SULF1: variants seen among roughly 807,000 people sequenced by gnomAD.
The protein encoded by SULF1 is sulfatase 1.
Under a neutral mutation model 110.5 loss-of-function variants are expected in SULF1, and 46 were observed. The ratio of observed to expected loss-of-function variants is 0.42; its 90% CI spans 0.33 to 0.53. The LOEUF (loss-of-function observed/expected upper bound fraction) is 0.53, where lower values mean the gene tolerates loss of function less well. Among genes scored for constraint, SULF1 ranks in the 20% least tolerant of loss-of-function variants. SULF1 has a pLI of 0.12. For missense variants in SULF1, 941 were observed against 1,094.2 expected (o/e 0.86, Z 1.98); for synonymous variants, 371 against 387.1 (o/e 0.96, Z 0.49).
intron 1 of SULF1, among the ~76,000 whole-genome samples, chr8:69,472,062 G>A (rs942532191): frequency 1.3e-5 from 2 of 152,092 alleles, no homozygotes; most frequent in Non-Finnish European, 2.9e-5. Context: ...GAGCAACTGA[G>A]CTAATGGCTC....
intron 7 of SULF1, among the ~76,000 whole-genome samples, chr8:69,587,054 A>G (rs908801163): frequency 3.3e-5 from 5 of 152,194 alleles, no homozygotes; most frequent in African/African-American, 1.2e-4. Flanking sequence ...AATGCTATCA[A>G]TTCTAGGATT....
chr8:69,633,571 AGGTGATCCACCCGCC>A (rs1810751814), intron 19 of SULF1, among the ~76,000 whole-genome samples: 1 of 151,900 alleles, frequency 6.6e-6, no homozygotes, highest in Admixed American at 6.6e-5. Flanking sequence ...ACCTGACCTC[AGGTGATCCACCCGCC>A]TCGGCCTCCC....
chr8:69,470,500 C>T (rs1809037261), intron 1 of SULF1, among the ~76,000 whole-genome samples: 2 of 152,080 alleles, frequency 1.3e-5, no homozygotes, highest in African/African-American at 2.4e-5. Flanking sequence ...TTCCTCTCCC[C>T]TATAGCCAGT....
intron 3 of SULF1, among the ~76,000 whole-genome samples, chr8:69,509,775 T>TG (rs1278285402): frequency 6.6e-6 from 1 of 152,196 alleles, no homozygotes; most frequent in East Asian, 1.9e-4. Flanking sequence ...CCCCAAGCAC[T>TG]GACTTATGGA....
intron 3 of SULF1, among the ~76,000 whole-genome samples, chr8:69,510,017 A>C (rs890319595): frequency 3.9e-5 from 6 of 152,254 alleles, no homozygotes; most frequent in African/African-American, 7.2e-5. Context: ...TGTGACAGAC[A>C]ATAATTCTGA....
At chr8:69,616,221 TATATATA>T (rs1809124604) in intron 13 of SULF1, among the ~76,000 whole-genome samples, 1 of 146,176 alleles carries the variant, frequency 6.8e-6, no homozygotes, top group African/African-American at 2.6e-5. Context: ...TATATATATA[TATATATA>T]TATTTTTTTG....
intron 3 of SULF1, among the ~76,000 whole-genome samples, chr8:69,559,138 C>T (rs1389864917): frequency 1.3e-5 from 2 of 152,160 alleles, no homozygotes; most frequent in Non-Finnish European, 2.9e-5. Flanking sequence ...AAAGTAGAAG[C>T]ATTTTAATAG....
chr8:69,552,815 T>TA (rs1164025179), intron 3 of SULF1, among the ~76,000 whole-genome samples: 2 of 152,250 alleles, frequency 1.3e-5, no homozygotes, highest in African/African-American at 2.4e-5. Context: ...GTTTGTTATG[T>TA]AAAAAAATGT....
At chr8:69,534,598 C>T (rs924191780) in intron 3 of SULF1, among the ~76,000 whole-genome samples, 28 of 152,142 alleles carry the variant, frequency 1.8e-4, no homozygotes, top group Admixed American at 5.2e-4. Context: ...TACCAATTCA[C>T]ACTTAACATT....
At chr8:69,607,602 G>A (rs978008470) in intron 13 of SULF1, among the ~76,000 whole-genome samples, 8 of 152,162 alleles carry the variant, frequency 5.3e-5, no homozygotes, top group African/African-American at 1.9e-4. Context: ...GGACTCAAGT[G>A]ATCCACCCAC....
chr8:69,581,220 G>A (rs938265813), intron 6 of SULF1, among the ~76,000 whole-genome samples: 3 of 152,104 alleles, frequency 2.0e-5, no homozygotes, highest in Admixed American at 6.5e-5. Flanking sequence ...AGTTACTAGC[G>A]TGAAATCCAT....
intron 21 of SULF1, 107 bp downstream of exon 21, chr8:69,638,965 T>A: frequency 8.8e-7 from 1 of 1,132,658 alleles, no homozygotes; most frequent in South Asian, 1.7e-5. Context: ...TAATTCAAGA[T>A]ACTTAGAGGA....
chr8:69,548,610 G>A (rs147261636), intron 3 of SULF1, among the ~76,000 whole-genome samples: 2,073 of 137,442 alleles, frequency 0.015, 49 homozygotes, highest in African/African-American at 0.057. Flanking sequence ...ACCATGCCTC[G>A]CTGATTTTTT....
At chr8:69,630,742 G>GGT (rs1810455615) in intron 19 of SULF1, among the ~76,000 whole-genome samples, 1 of 151,928 alleles carries the variant, frequency 6.6e-6, no homozygotes, top group African/African-American at 2.4e-5. Flanking sequence ...ATGGGGTACA[G>GGT]GTAGAAAAAA....
intron 13 of SULF1, among the ~76,000 whole-genome samples, chr8:69,608,056 GGTCACCTA>G (rs1403175993): frequency 6.6e-6 from 1 of 152,142 alleles, no homozygotes; most frequent in Non-Finnish European, 1.5e-5. Context: ...CTTTGTGCCA[GGTCACCTA>G]AAGGTTGTTT....
At chr8:69,576,429 T>C (rs1805616045) in intron 6 of SULF1, among the ~76,000 whole-genome samples, 1 of 152,254 alleles carries the variant, frequency 6.6e-6, no homozygotes, top group Non-Finnish European at 1.5e-5. Context: ...AAATCAATCA[T>C]GTGTACCTTG....
chr8:69,601,434 G>A (rs895015512), intron 9 of SULF1, among the ~76,000 whole-genome samples: 1 of 152,200 alleles, frequency 6.6e-6, no homozygotes, highest in Admixed American at 6.5e-5. Flanking sequence ...AAGCCTAAAA[G>A]TAGAATGTGC....
intron 3 of SULF1, among the ~76,000 whole-genome samples, chr8:69,543,199 GT>G (rs1813980473): frequency 6.6e-6 from 1 of 151,960 alleles, no homozygotes; most frequent in Non-Finnish European, 1.5e-5. Flanking sequence ...CCCTGGTTTT[GT>G]TTTTGTTGTT....
At chr8:69,524,322 A>T (rs34319108) in intron 3 of SULF1, among the ~76,000 whole-genome samples, 74,973 of 151,934 alleles carry the variant, frequency 0.49, 19,244 homozygotes, top group South Asian at 0.59. Context: ...TTCCTCAAGC[A>T]GTACAGGAAA....
Sources: gnomAD v4.1 joint callset for allele counts (sites outside exome capture counted in the v4.1 genomes callset) on GRCh38, gnomAD v4.1.1 for gene constraint, MANE v1.5 for transcripts, NCBI Gene and HGNC (gene_info 2026-07-23, HGNC 2026-07-21) for gene names.